The following AAR2 variants were observed in gnomAD, a reference collection of about 807,000 sequenced individuals.
The protein encoded by AAR2 is protein AAR2 homolog.
A neutral mutation model predicts 26.9 loss-of-function variants in AAR2; 31 were observed. That is an observed-to-expected ratio of 1.15 (90% CI 0.86 to 1.55). The LOEUF (loss-of-function observed/expected upper bound fraction) is 1.55. AAR2 is among the 40% of genes most tolerant of loss of function. AAR2 has a pLI of 0.00. For missense variants in AAR2, 430 were observed against 491.3 expected (o/e 0.88, Z 1.18); for synonymous variants, 188 against 196.1 (o/e 0.96, Z 0.34).
intron 3 of AAR2, among the ~76,000 whole-genome samples, chr20:36,255,251 C>G (rs747662059): frequency 5.9e-5 from 9 of 152,246 alleles, no homozygotes; most frequent in Non-Finnish European, 1.2e-4. Context: ...TTCTTAGGAC[C>G]TTAGTACCGA....
At chr20:36,254,792 C>T (rs115153405) in intron 3 of AAR2, among the ~76,000 whole-genome samples, 1,577 of 152,204 alleles carry the variant, frequency 0.01, 34 homozygotes, top group African/African-American at 0.036. Context: ...ATCAGATATA[C>T]CGTAAGTAAA....
intron 3 of AAR2, among the ~76,000 whole-genome samples, chr20:36,251,703 C>T (rs1445863406): frequency 2.6e-5 from 4 of 152,222 alleles, no homozygotes; most frequent in Admixed American, 2.6e-4. Context: ...GCCTCCCAGG[C>T]TGTGGTAAAG....
intron 1 of AAR2, among the ~76,000 whole-genome samples, chr20:36,238,999 G>A (rs1313763989): frequency 6.6e-6 from 1 of 152,138 alleles, no homozygotes; most frequent in Non-Finnish European, 1.5e-5. Context: ...ATTTGTTCAT[G>A]TTGGTACCAT....
chr20:36,244,215 A>G lies in AAR2; in HGVS notation c.758-482A>G, dbSNP rs75228078. On this transcript the variant is annotated intron_variant, in intron 2 of 3. Coordinates refer to ENST00000320849, the MANE Select transcript of AAR2 (RefSeq NM_001271874.2). ...GTGCAGTATTTCCTGACCCTGGAGC[A>G]GACCATCCACATTAGAATCACCTGG... Among the ~76,000 whole-genome samples, 1,022 of 152,308 alleles carry G rather than the reference A, an allele frequency of 6.7e-3. 8 individuals carry two copies. Among genetic ancestry groups the G allele is most frequent in the African/African-American group, 0.023 (966 of 41,566 alleles).
intron 3 of AAR2, among the ~76,000 whole-genome samples, chr20:36,249,278 T>A (rs2064763109): frequency 6.6e-6 from 1 of 152,230 alleles, no homozygotes; most frequent in African/African-American, 2.4e-5. Context: ...GGGATTTGTT[T>A]TACAAAAATA....
intron 2 of AAR2, among the ~76,000 whole-genome samples, chr20:36,243,950 G>A (rs944201818): frequency 6.6e-6 from 1 of 152,210 alleles, no homozygotes; most frequent in Non-Finnish European, 1.5e-5. Flanking sequence ...CTGTGGTTAA[G>A]CAAACAAAAA....
At chr20:36,242,067 A>G (rs73291644) in intron 2 of AAR2, among the ~76,000 whole-genome samples, 11,478 of 150,406 alleles carry the variant, frequency 0.076, 1,429 homozygotes, top group African/African-American at 0.26. Flanking sequence ...CTATTTTTAT[A>G]TATATTTATA....
At position 36,244,680 on chromosome 20, in the gene AAR2, C is replaced by T; in HGVS notation, c.758-17C>T. On this transcript the variant is annotated splice_polypyrimidine_tract_variant and intron_variant, in intron 2 of 3. Transcript: ENST00000320849. ...CTCCTCTCCCTCAGAATCACTTCTC[C>T]TCTCTGCACCTTTCAGGTGAACTCC... The T allele has an allele frequency of 9.4e-7, 1 of 1,065,364 alleles. No individual in the cohort carries two copies. Among genetic ancestry groups the T allele is most frequent in the Non-Finnish European group, 1.3e-6 (1 of 787,670 alleles). The allele number at this position is 1,065,364 out of a possible 1,614,324, so 66.0% of individuals were successfully genotyped here. A position where few individuals can be genotyped will look rare whatever the true frequency, so the allele number is the denominator to read the frequency against.
chr20:36,253,839 A>G (rs1487663618), intron 3 of AAR2, among the ~76,000 whole-genome samples: 1 of 152,254 alleles, frequency 6.6e-6, no homozygotes, highest in African/African-American at 2.4e-5. Flanking sequence ...ACATGAAAAC[A>G]TACTCAATAT....
chr20:36,239,899 G>A lies in AAR2; in HGVS notation c.31G>A (p.Ala11Thr). Residue 11 changes from alanine to threonine, a missense_variant, in exon 2 of 4, where the codon GCC (alanine) becomes ACC (threonine). Transcript: ENST00000320849. Reference sequence around the variant, plus strand: ...TGCCGTGCAGATGGATCCTGAGCTAGCCAAGCGCCTCTTCTTTGAAGGGGC... The same window carrying A: ...TGCCGTGCAGATGGATCCTGAGCTAACCAAGCGCCTCTTCTTTGAAGGGGC... MAAVQMDPEL[A>T]KRLFFEGATV... 1 of 1,605,448 alleles carries A rather than the reference G, an allele frequency of 6.2e-7. No homozygotes were observed. Among genetic ancestry groups the A allele is most frequent in the Non-Finnish European group, 8.5e-7 (1 of 1,173,174 alleles).
At chr20:36,240,903 A>G (rs1469074299) in intron 2 of AAR2, among the ~76,000 whole-genome samples, 1 of 152,166 alleles carries the variant, frequency 6.6e-6, no homozygotes, top group Non-Finnish European at 1.5e-5. Flanking sequence ...GCCCAGTCCT[A>G]CAGAAGGAAA....
At chr20:36,243,234 T>C (rs1328744487) in intron 2 of AAR2, among the ~76,000 whole-genome samples, 1 of 152,244 alleles carries the variant, frequency 6.6e-6, no homozygotes, top group Non-Finnish European at 1.5e-5. Flanking sequence ...ATTTAATAAA[T>C]GTCCTAAACG....
In AAR2 at chr20:36,251,230, A is replaced by C. The variant is rs546732103; in HGVS notation, c.988-4348A>C. Among the ~76,000 whole-genome samples the C allele has an allele frequency of 2.0e-5, 3 of 152,040 alleles. No individual in the cohort carries two copies. In the East Asian group the frequency reaches 5.8e-4, roughly 29 times the overall value. On this transcript the variant is annotated intron_variant, in intron 3 of 3. Transcript: ENST00000320849. ...AAAAAATTATCTAGGTATTCGTGGC[A>C]TGTACCTGTAGTCCTAGCTACTTGG...
intron 2 of AAR2, among the ~76,000 whole-genome samples, chr20:36,242,244 C>A (rs921296846): frequency 6.7e-6 from 1 of 149,848 alleles, no homozygotes; most frequent in African/African-American, 2.5e-5. Context: ...CTCAACCTCT[C>A]GGGCCCAAGT....
chr20:36,238,755 C>CAA (rs59138282), intron 1 of AAR2, among the ~76,000 whole-genome samples: 147 of 62,710 alleles, frequency 2.3e-3, no homozygotes, highest in South Asian at 4.7e-3. Context: ...GACCCTGTCT[C>CAA]AAAAAAAAAA....
chr20:36,255,994 CA>C lies in AAR2; in HGVS notation c.*250del. ...CCTTGGTGCTAACCTGGCTGAATTTCACACAGGCTCTTACACACACACGCTC... is the reference window on the plus strand; with the variant it reads ...CCTTGGTGCTAACCTGGCTGAATTTCCACAGGCTCTTACACACACACGCTC... On this transcript the variant is annotated 3_prime_UTR_variant, in exon 4 of 4. Transcript: ENST00000320849. 1 of 509,680 alleles carries C rather than the reference CA, an allele frequency of 2.0e-6. No individual in the cohort carries two copies. 31.6% of individuals were successfully genotyped at this position (509,680 alleles called of 1,614,324 possible).
rs71184090 is a variant in AAR2 at position 36,237,750 on chromosome 20, GTATTATTATTAT to G, written c.-49+1285_-49+1296del. Reference sequence around the variant, plus strand: ...AGGATTACAAATAGGAAGATGATACGTATTATTATTATTATTATTATTATTATTATTATTATT... The same window carrying G: ...AGGATTACAAATAGGAAGATGATACGTATTATTATTATTATTATTATTATT... On this transcript the variant is annotated intron_variant, in intron 1 of 3. Coordinates refer to ENST00000320849, the MANE Select transcript of AAR2 (RefSeq NM_001271874.2). 7.0e-3 allele frequency among the ~76,000 whole-genome samples: 969 copies of G among 139,048 alleles called. 14 individuals are homozygous for G. Among genetic ancestry groups the G allele is most frequent in the African/African-American group, 0.018 (696 of 37,948 alleles). 91.2% of individuals were successfully genotyped at this position (139,048 alleles called of 152,430 possible). A position where few individuals can be genotyped will look rare whatever the true frequency, so the allele number is the denominator to read the frequency against.
chr20:36,256,894 C>T lies in AAR2; in HGVS notation c.*1149C>T, dbSNP rs1214303855. On this transcript the variant is annotated 3_prime_UTR_variant, in exon 4 of 4. Transcript: ENST00000320849. ...ACTTGTTTCCTTGGAGATGTTTTTC[C>T]AAGAGCATAATGTACATTAAAGTCT... The T allele has an allele frequency of 6.6e-6, 1 of 152,620 alleles. No individual in the cohort carries two copies. The highest frequency in any genetic ancestry group is 1.9e-4 in the East Asian group (1 of 5,198). 9.5% of individuals were successfully genotyped at this position (152,620 alleles called of 1,614,324 possible). A position where few individuals can be genotyped will look rare whatever the true frequency, so the allele number is the denominator to read the frequency against.
chr20:36,249,340 A>G (rs2064763514), intron 3 of AAR2, among the ~76,000 whole-genome samples: 1 of 152,230 alleles, frequency 6.6e-6, no homozygotes, highest in Non-Finnish European at 1.5e-5. Flanking sequence ...TAATTCATTT[A>G]AAACCAATGA....
Sources: allele counts gnomAD v4.1 joint callset (sites outside exome capture counted in the v4.1 genomes callset), GRCh38; gene constraint gnomAD v4.1.1; transcripts MANE v1.5; gene names NCBI Gene and HGNC (gene_info 2026-07-23, HGNC 2026-07-21).